Variants in RAB3C observed in about 807,000 individuals in gnomAD.
RAB3C encodes the protein ras-related protein Rab-3C.
RAB3C carries 17 observed loss-of-function variants against 26.4 expected under a neutral mutation model. The observed-to-expected ratio is 0.64, with a 90% confidence interval of 0.44 to 0.97. The LOEUF (loss-of-function observed/expected upper bound fraction) is 0.97, where lower values mean the gene tolerates loss of function less well. RAB3C is among the 50% of genes least tolerant of loss of function. The probability of loss-of-function intolerance (pLI) is 0.00; values close to 1 mark genes in which losing one functional copy is unlikely to be tolerated. For missense variants in RAB3C, 242 were observed against 281.9 expected, an observed-to-expected ratio of 0.86 and a Z score of 1.01; for synonymous variants, 91 against 95.9, an observed-to-expected ratio of 0.95 and a Z score of 0.30.
chr5:58,764,586 C>T (rs149535930), intron 3 of RAB3C, among the ~76,000 whole-genome samples: 1 of 152,266 alleles, frequency 6.6e-6, no homozygotes, highest in East Asian at 1.9e-4. Context: ...TGAAGATTCA[C>T]TTAGACTAGG....
At chr5:58,757,475 C>G (rs1244074407) in intron 3 of RAB3C, among the ~76,000 whole-genome samples, 20 of 152,364 alleles carry the variant, frequency 1.3e-4, no homozygotes, top group Non-Finnish European at 1.0e-4. Flanking sequence ...TTTAATGAAA[C>G]ATTTCCCGTT....
chr5:58,841,110 G>A (rs1236162580), intron 4 of RAB3C, among the ~76,000 whole-genome samples: 1 of 152,190 alleles, frequency 6.6e-6, no homozygotes, highest in Non-Finnish European at 1.5e-5. Context: ...TCTGCAGGGG[G>A]CAGGGGGCAG....
chr5:58,651,758 C>T (rs1747653837), intron 2 of RAB3C, among the ~76,000 whole-genome samples: 1 of 152,138 alleles, frequency 6.6e-6, no homozygotes, highest in East Asian at 1.9e-4. Context: ...GTAGTAGAGT[C>T]GGTATCCACT....
At chr5:58,620,288 G>A (rs931626577) in intron 2 of RAB3C, among the ~76,000 whole-genome samples, 3 of 152,034 alleles carry the variant, frequency 2.0e-5, no homozygotes, top group African/African-American at 7.2e-5. Context: ...TTCCTCTTTA[G>A]GTACATTAGG....
At chr5:58,684,288 C>T (rs916061834) in intron 2 of RAB3C, among the ~76,000 whole-genome samples, 1 of 152,210 alleles carries the variant, frequency 6.6e-6, no homozygotes, top group Non-Finnish European at 1.5e-5. Context: ...GGACTTGAGC[C>T]TGTACAGATT....
rs572381911 is a variant in RAB3C, at chr5:58,659,585, T to A, written c.252+41715T>A. Among the ~76,000 whole-genome samples the A allele has an allele frequency of 9.2e-5, 14 of 152,376 alleles. No homozygotes were observed. The East Asian group carries it at 2.7e-3, about 29-fold the overall frequency. ...CTGAAGTAAGTAGAATATTCAGTTATGCTCTTGTGTTTATACCAAGAAAAC... is the reference window on the plus strand; with the variant it reads ...CTGAAGTAAGTAGAATATTCAGTTAAGCTCTTGTGTTTATACCAAGAAAAC... On this transcript the variant is annotated intron_variant, in intron 2 of 4. Coordinates refer to ENST00000282878, the MANE Select transcript of RAB3C (RefSeq NM_138453.4).
At chr5:58,582,491 T>C (rs558341344), upstream of RAB3C, 42 of 841,122 alleles carry the variant, frequency 5.0e-5, no homozygotes, top group African/African-American at 6.8e-4. Flanking sequence ...GCGGGTTGTG[T>C]GTGTGACTAT....
rs141107489 is a variant in RAB3C, at chr5:58,633,224, C to T, written c.252+15354C>T. On this transcript the variant is annotated intron_variant, in intron 2 of 4. Transcript: ENST00000282878. ...TACCTAGAGGAAGGCAGAGAGGGCT[C>T]ATCCTGGAAAACCATTGCTCTACAA... Among the ~76,000 whole-genome samples the T allele has an allele frequency of 5.8e-3, 877 of 152,292 alleles. 12 individuals carry two copies. The highest frequency in any genetic ancestry group is 0.02 in the African/African-American group (842 of 41,544).
intron 1 of RAB3C, among the ~76,000 whole-genome samples, chr5:58,615,478 C>T (rs1746804066): frequency 6.6e-6 from 1 of 152,174 alleles, no homozygotes; most frequent in Admixed American, 6.6e-5. Context: ...AGGAATAGCA[C>T]TGCCAAATAA....
intron 1 of RAB3C, among the ~76,000 whole-genome samples, chr5:58,585,131 T>C (rs969855330): frequency 7.2e-5 from 11 of 152,076 alleles, no homozygotes; most frequent in Admixed American, 3.9e-4. Context: ...GTAATGTACA[T>C]TTTAGGAAAT....
At chr5:58,740,971 C>G (rs1741261539) in intron 3 of RAB3C, among the ~76,000 whole-genome samples, 1 of 152,210 alleles carries the variant, frequency 6.6e-6, no homozygotes, top group Non-Finnish European at 1.5e-5. Flanking sequence ...GCCACCCTCA[C>G]TTCTGACCAG....
At chr5:58,703,175 C>CT (rs901812987) in intron 2 of RAB3C, among the ~76,000 whole-genome samples, 31 of 151,440 alleles carry the variant, frequency 2.0e-4, no homozygotes, top group East Asian at 5.8e-4. Context: ...CTTGTTTATT[C>CT]TTTTTTTTTG....
chr5:58,676,233 G>A (rs1339361558), intron 2 of RAB3C, among the ~76,000 whole-genome samples: 9 of 152,084 alleles, frequency 5.9e-5, no homozygotes, highest in South Asian at 2.1e-4. Context: ...GTCGAGCGGC[G>A]TGGCTCACAC....
chr5:58,777,082 A>G (rs1411174933), intron 3 of RAB3C, among the ~76,000 whole-genome samples: 1 of 152,168 alleles, frequency 6.6e-6, no homozygotes. Context: ...GATAACCTCA[A>G]CTTTAGGTTT....
chr5:58,590,875 TAATA>T (rs1481679282), intron 1 of RAB3C, among the ~76,000 whole-genome samples: 2 of 152,182 alleles, frequency 1.3e-5, no homozygotes, highest in Non-Finnish European at 2.9e-5. Context: ...TCTTTTCTGC[TAATA>T]AATATAAGCA....
intron 3 of RAB3C, among the ~76,000 whole-genome samples, chr5:58,813,582 A>T (rs1743133324): frequency 1.9e-5 from 1 of 51,338 alleles, no homozygotes; most frequent in African/African-American, 6.3e-5. Context: ...TGGTTAATTT[A>T]TATTTATATT....
At chr5:58,638,486 A>G (rs939628088) in intron 2 of RAB3C, among the ~76,000 whole-genome samples, 3 of 152,170 alleles carry the variant, frequency 2.0e-5, no homozygotes, top group Non-Finnish European at 4.4e-5. Flanking sequence ...TTTCTTAAAA[A>G]TAAATGTATC....
intron 1 of RAB3C, among the ~76,000 whole-genome samples, chr5:58,596,835 T>TATAATACATAATATA (rs1491355692): frequency 3.3e-5 from 3 of 91,460 alleles, no homozygotes; most frequent in Non-Finnish European, 5.6e-5. Flanking sequence ...TATATATAAA[T>TATAATACATAATATA]TTATAATATA....
rs1268355091 is a variant in RAB3C at position 58,625,861 on chromosome 5, A to AC, written c.252+7991_252+7992insC. Among the ~76,000 whole-genome samples the AC allele has an allele frequency of 2.0e-5, 3 of 151,802 alleles. No homozygotes were observed. The East Asian group carries it at 5.8e-4, about 29-fold the overall frequency. ...GACAGAGTGAGACTCTGTCTCAAAA[A>AC]AAAAAAAAAAATTGGAATACCATAG... is the stretch of plus-strand genomic sequence containing the variant. On this transcript the variant is annotated intron_variant, in intron 2 of 4. Coordinates refer to ENST00000282878, the MANE Select transcript of RAB3C (RefSeq NM_138453.4).
Sources: allele counts gnomAD v4.1 joint callset (sites outside exome capture counted in the v4.1 genomes callset), GRCh38; gene constraint gnomAD v4.1.1; transcripts MANE v1.5; gene names NCBI Gene and HGNC (gene_info 2026-07-23, HGNC 2026-07-21).